The following MYRIP variants were observed in gnomAD, a reference collection of about 807,000 sequenced individuals.
MYRIP encodes rab effector MyRIP.
Under a neutral mutation model 98.0 loss-of-function variants are expected in MYRIP, and 49 were observed. The observed-to-expected ratio is 0.50, with a 90% CI of 0.40 to 0.63. The LOEUF (loss-of-function observed/expected upper bound fraction) is 0.63, where lower values mean the gene tolerates loss of function less well. Among genes scored for constraint, MYRIP ranks in the 30% least tolerant of loss-of-function variants. The pLI, the probability that MYRIP is intolerant of heterozygous loss-of-function variation, is 0.00. For synonymous variants in MYRIP, 404 were observed against 409.5 expected, an observed-to-expected ratio of 0.99 and a Z score of 0.16; for missense variants, 1,004 against 1,058.2, an observed-to-expected ratio of 0.95 and a Z score of 0.71.
At chr3:40,209,797 G>A in intron 10 of MYRIP, 57 bp from the exon 11 acceptor site, 1 of 1,600,762 alleles carries the variant, frequency 6.2e-7, no homozygotes, top group South Asian at 1.1e-5. Flanking sequence ...TTGGGAACAA[G>A]AAGCAACATG....
chr3:40,034,399 A>G (rs1947330382), intron 2 of MYRIP, among the ~76,000 whole-genome samples: 1 of 152,168 alleles, frequency 6.6e-6, no homozygotes, highest in African/African-American at 2.4e-5. Flanking sequence ...AACCCCATCA[A>G]CAAGTGGGCG....
chr3:40,245,363 A>T (rs183053755), intron 13 of MYRIP, among the ~76,000 whole-genome samples: 22 of 152,290 alleles, frequency 1.4e-4, no homozygotes, highest in Non-Finnish European at 5.9e-5. Flanking sequence ...AAAGGGCTCC[A>T]TGTAGGCCAG....
At chr3:39,877,764 C>T (rs545887158) in intron 1 of MYRIP, among the ~76,000 whole-genome samples, 7 of 152,272 alleles carry the variant, frequency 4.6e-5, no homozygotes, top group Non-Finnish European at 8.8e-5. Context: ...TGGGGGGTAC[C>T]TCCCAGTTAG....
chr3:40,058,313 A>G (rs927903225), intron 3 of MYRIP, among the ~76,000 whole-genome samples: 1 of 152,154 alleles, frequency 6.6e-6, no homozygotes, highest in Non-Finnish European at 1.5e-5. Context: ...CATCTAATAA[A>G]CTTAAGTGTG....
At chr3:39,970,530 G>C (rs1945554519) in intron 2 of MYRIP, among the ~76,000 whole-genome samples, 1 of 152,074 alleles carries the variant, frequency 6.6e-6, no homozygotes, top group Admixed American at 6.6e-5. Flanking sequence ...TGCTCTTAGT[G>C]ATCATACATT....
intron 2 of MYRIP, among the ~76,000 whole-genome samples, chr3:39,923,134 A>G (rs1944341324): frequency 6.6e-6 from 1 of 152,208 alleles, no homozygotes; most frequent in South Asian, 2.1e-4. Flanking sequence ...AACAATAGAA[A>G]TTACCTAGTG....
chr3:39,885,417 G>A (rs565911319), intron 1 of MYRIP, among the ~76,000 whole-genome samples: 7 of 152,068 alleles, frequency 4.6e-5, no homozygotes, highest in Admixed American at 1.3e-4. Flanking sequence ...TTTCTCTCTG[G>A]CTGCCCTTAA....
intron 1 of MYRIP, among the ~76,000 whole-genome samples, chr3:39,887,178 G>A (rs1341912718): frequency 1.1e-4 from 16 of 151,976 alleles, no homozygotes; most frequent in Non-Finnish European, 1.5e-4. Flanking sequence ...TCTCTGGGAC[G>A]CATTCAAAGC....
chr3:40,054,684 C>T (rs905165604), intron 3 of MYRIP, among the ~76,000 whole-genome samples: 8 of 152,154 alleles, frequency 5.3e-5, no homozygotes, highest in African/African-American at 1.9e-4. Flanking sequence ...TTCCCTGGGT[C>T]TCCAGCCTGC....
In MYRIP at chr3:40,233,990, G is replaced by C. The variant is rs1427120399; in HGVS notation, c.2037G>C (p.Gly679=). 1.9e-6 allele frequency: 3 copies of C among 1,613,486 alleles called. No homozygotes were observed. Among genetic ancestry groups the C allele is most frequent in the Non-Finnish European group, 1.7e-6 (2 of 1,179,800 alleles). ...AAGTCCCTCCTGACAGACAGAAGGGGATGTTTCCTCGTGGGACAGACCAAG... is the reference window on the plus strand; with the variant it reads ...AAGTCCCTCCTGACAGACAGAAGGGCATGTTTCCTCGTGGGACAGACCAAG... The part of the protein sequence containing the change: ...SPQVPPDRQK[G]MFPRGTDQVR... The change falls in exon 12 of 17, where the codon GGG becomes GGC. Residue 679 remains glycine (G), a synonymous_variant. Coordinates refer to ENST00000302541, the MANE Select transcript of MYRIP (RefSeq NM_015460.4).
rs386396419 is a variant in MYRIP, at chr3:40,129,440, C to CAAAAAAAA, written c.333-21579_333-21572dup. 4.4e-3 allele frequency among the ~76,000 whole-genome samples: 128 copies of CAAAAAAAA among 29,372 alleles called. 39 individuals are homozygous for CAAAAAAAA. Among genetic ancestry groups the CAAAAAAAA allele is most frequent in the Non-Finnish European group, 6.3e-3 (106 of 16,748 alleles). The allele number at this position is 29,372 out of a possible 152,430, so 19.3% of individuals were successfully genotyped here. On this transcript the variant is annotated intron_variant, in intron 3 of 16. Transcript: ENST00000302541. ...TGGGCGACAGAGTGAGACTCTGTCT[C>CAAAAAAAA]AAAAAAAAAAAAAAAAAAAAAAAAA...
chr3:40,057,828 A>T (rs1947914375), intron 3 of MYRIP, among the ~76,000 whole-genome samples: 1 of 152,204 alleles, frequency 6.6e-6, no homozygotes, highest in Non-Finnish European at 1.5e-5. Context: ...TGCATCAGAC[A>T]GATTAATGGG....
At chr3:40,247,005 TAATC>T (rs1295831649) in intron 13 of MYRIP, among the ~76,000 whole-genome samples, 6 of 152,338 alleles carry the variant, frequency 3.9e-5, no homozygotes, top group East Asian at 1.9e-4. Flanking sequence ...ACCCAAGACT[TAATC>T]AATTTATTGT....
At chr3:39,823,534 A>G (rs1368476292) in intron 1 of MYRIP, among the ~76,000 whole-genome samples, 2 of 152,012 alleles carry the variant, frequency 1.3e-5, no homozygotes, top group African/African-American at 2.4e-5. Context: ...TGTCTTTTTG[A>G]TAATAGCCAT....
Position 40,091,390 on chromosome 3 carries a change from A to G in MYRIP, c.332+47119A>G, listed in dbSNP as rs145930885. Among the ~76,000 whole-genome samples, 263 of 148,822 alleles carry G rather than the reference A, an allele frequency of 1.8e-3. 16 individuals are homozygous for G. The East Asian group carries it at 0.041, about 23-fold the overall frequency. On this transcript the variant is annotated intron_variant, in intron 3 of 16. Coordinates refer to ENST00000302541, the MANE Select transcript of MYRIP (RefSeq NM_015460.4). ...GGGGTCAACTATTAACTGAGAGGGT[A>G]GAGTAGAAGAGGGTCTGGCTATGAG...
intron 3 of MYRIP, among the ~76,000 whole-genome samples, chr3:40,143,672 A>T (rs1290941341): frequency 6.6e-6 from 1 of 152,208 alleles, no homozygotes; most frequent in Non-Finnish European, 1.5e-5. Flanking sequence ...TTTTTAATTG[A>T]CAATAATTGT....
intron 1 of MYRIP, among the ~76,000 whole-genome samples, chr3:39,877,115 T>A (rs1288310147): frequency 7.2e-5 from 11 of 152,224 alleles, no homozygotes; most frequent in Non-Finnish European, 1.5e-4. Flanking sequence ...CTGATACCCT[T>A]TCTTCCAGTT....
chr3:39,928,259 A>G (rs565790367), intron 2 of MYRIP, among the ~76,000 whole-genome samples: 1 of 151,438 alleles, frequency 6.6e-6, no homozygotes, highest in African/African-American at 2.4e-5. Flanking sequence ...GTAAAGAAGA[A>G]TTAAAACCAA....
intron 1 of MYRIP, among the ~76,000 whole-genome samples, chr3:39,847,855 C>G (rs960515752): frequency 2.6e-5 from 4 of 152,174 alleles, no homozygotes; most frequent in East Asian, 3.8e-4. Flanking sequence ...CCTCACCCCC[C>G]AAGGATTTCC....
Sources: gnomAD v4.1 joint callset for allele counts (sites outside exome capture counted in the v4.1 genomes callset) on GRCh38, gnomAD v4.1.1 for gene constraint, MANE v1.5 for transcripts, NCBI Gene and HGNC (gene_info 2026-07-23, HGNC 2026-07-21) for gene names.